FAM241A: variants seen among roughly 807,000 people sequenced by gnomAD.
FAM241A encodes the protein family with sequence similarity 241 member A, also known as uncharacterized protein FAM241A.
In FAM241A, 7 loss-of-function variants were observed where a neutral mutation model predicts 12.2. The ratio of observed to expected loss-of-function variants is 0.58; its 90% CI spans 0.33 to 1.08. The LOEUF is 1.08. FAM241A is among the 50% of genes least tolerant of loss of function. The pLI is 0.04. For missense variants in FAM241A, 161 were observed against 169.7 expected (o/e 0.95, Z 0.29); for synonymous variants, 74 against 68.2 (o/e 1.08, Z -0.42).
At chr4:112,170,914 A>C (rs1723705841) in intron 1 of FAM241A, among the ~76,000 whole-genome samples, 1 of 150,376 alleles carries the variant, frequency 6.6e-6, no homozygotes, top group African/African-American at 2.4e-5. Flanking sequence ...CCACTTTTGA[A>C]GTGCTCAATG....
At chr4:112,159,726 C>A (rs1195160814) in intron 1 of FAM241A, among the ~76,000 whole-genome samples, 1 of 152,106 alleles carries the variant, frequency 6.6e-6, no homozygotes, top group East Asian at 1.9e-4. Context: ...AATTCAACAT[C>A]CCTTCATGAT....
chr4:112,185,934 G>A (rs1364817918), intron 1 of FAM241A, among the ~76,000 whole-genome samples: 2 of 152,136 alleles, frequency 1.3e-5, no homozygotes, highest in Admixed American at 6.6e-5. Flanking sequence ...GAAGTGTCAC[G>A]CTGGTCCCTC....
chr4:112,147,467 C>A (rs1723163165), intron 1 of FAM241A, among the ~76,000 whole-genome samples: 1 of 152,094 alleles, frequency 6.6e-6, no homozygotes, highest in Non-Finnish European at 1.5e-5. Context: ...TGCAACCCAA[C>A]CCATTGTTGT....
At chr4:112,165,133 C>A (rs754350463) in intron 1 of FAM241A, among the ~76,000 whole-genome samples, 19 of 152,098 alleles carry the variant, frequency 1.2e-4, no homozygotes, top group Non-Finnish European at 2.8e-4. Flanking sequence ...ATACAAATGG[C>A]AAACAGGCAT....
At chr4:112,148,078 T>A (rs1195625256) in intron 1 of FAM241A, among the ~76,000 whole-genome samples, 1 of 152,130 alleles carries the variant, frequency 6.6e-6, no homozygotes, top group Admixed American at 6.5e-5. Context: ...TTCAATGATT[T>A]TGTCAACACC....
At chr4:112,185,406 C>T (rs1409096202) in intron 1 of FAM241A, among the ~76,000 whole-genome samples, 1 of 152,130 alleles carries the variant, frequency 6.6e-6, no homozygotes, top group Non-Finnish European at 1.5e-5. Context: ...CCAACTTCAC[C>T]CCTGACTTAC....
chr4:112,162,648 C>T (rs934099644), intron 1 of FAM241A, among the ~76,000 whole-genome samples: 10 of 152,000 alleles, frequency 6.6e-5, no homozygotes, highest in Admixed American at 2.0e-4. Flanking sequence ...CACTGCTCAA[C>T]GAAATAAAAG....
intron 1 of FAM241A, among the ~76,000 whole-genome samples, chr4:112,147,604 CATGT>C (rs1285347616): frequency 6.6e-6 from 1 of 152,092 alleles, no homozygotes; most frequent in Non-Finnish European, 1.5e-5. Context: ...AATAGTATTA[CATGT>C]GTAAAGATAT....
At chr4:112,185,143 A>G (rs1724013517) in intron 1 of FAM241A, among the ~76,000 whole-genome samples, 1 of 152,104 alleles carries the variant, frequency 6.6e-6, no homozygotes, top group African/African-American at 2.4e-5. Context: ...ATAATTCAAT[A>G]ATTATTTGAA....
chr4:112,191,865 T>C lies in FAM241A; in HGVS notation c.*4927T>C, dbSNP rs926571982. On this transcript the variant is annotated 3_prime_UTR_variant, in exon 2 of 2. Coordinates refer to ENST00000309733, the MANE Select transcript of FAM241A (RefSeq NM_152400.3). ...TAATTATTAAATTAATCAATAGGCT[T>C]CACAAGGGAAGAGAACATGTCTGTC... 1 of 152,176 alleles carries C rather than the reference T, an allele frequency of 6.6e-6. No individual in the cohort carries two copies. Among genetic ancestry groups the C allele is most frequent in the Admixed American group, 6.5e-5 (1 of 15,280 alleles). The allele number at this position is 152,176 out of a possible 1,614,324, so 9.4% of individuals were successfully genotyped here.
chr4:112,185,931 C>CA (rs1212649545), intron 1 of FAM241A, among the ~76,000 whole-genome samples: 2 of 152,142 alleles, frequency 1.3e-5, no homozygotes, highest in African/African-American at 4.8e-5. Context: ...TGTGAAGTGT[C>CA]ACGCTGGTCC....
At chr4:112,179,288 G>A (rs1163664400) in intron 1 of FAM241A, among the ~76,000 whole-genome samples, 1 of 152,076 alleles carries the variant, frequency 6.6e-6, no homozygotes, top group Non-Finnish European at 1.5e-5. Flanking sequence ...ACTCACAATA[G>A]CAAAGACTTG....
chr4:112,170,472 CTCTT>C (rs1723695235), intron 1 of FAM241A, among the ~76,000 whole-genome samples: 1 of 152,170 alleles, frequency 6.6e-6, no homozygotes, highest in Non-Finnish European at 1.5e-5. Context: ...AATGTGGTCT[CTCTT>C]TCTCTCAAAA....
intron 1 of FAM241A, among the ~76,000 whole-genome samples, chr4:112,149,497 A>G (rs1723205117): frequency 6.6e-6 from 1 of 152,188 alleles, no homozygotes; most frequent in African/African-American, 2.4e-5. Context: ...CTGTCTGAAA[A>G]TATTTGCTTG....
At chr4:112,178,215 AG>A (rs1243759801) in intron 1 of FAM241A, among the ~76,000 whole-genome samples, 2 of 152,202 alleles carry the variant, frequency 1.3e-5, no homozygotes, top group African/African-American at 2.4e-5. Context: ...TCAGAACCAG[AG>A]AATATGATAT....
chr4:112,158,882 A>G (rs1723406286), intron 1 of FAM241A, among the ~76,000 whole-genome samples: 1 of 152,110 alleles, frequency 6.6e-6, no homozygotes, highest in Non-Finnish European at 1.5e-5. Context: ...AATATACAAT[A>G]TATTGCTGTT....
In FAM241A at chr4:112,145,530, C is replaced by T. The variant is rs559134124; in HGVS notation, c.-51C>T. 3.3e-6 allele frequency: 4 copies of T among 1,217,770 alleles called. No homozygotes were observed. Among genetic ancestry groups the T allele is most frequent in the Admixed American group, 8.2e-5 (2 of 24,386 alleles). The allele number at this position is 1,217,770 out of a possible 1,614,324, so 75.4% of individuals were successfully genotyped here. On this transcript the variant is annotated 5_prime_UTR_variant, in exon 1 of 2. Coordinates refer to ENST00000309733, the MANE Select transcript of FAM241A (RefSeq NM_152400.3). ...CGGGCGGCGGCGCTGCCTGGTGCGT[C>T]GCGGCGTGGTCCTCCGGCGGCTGTC... is the stretch of plus-strand genomic sequence containing the variant.
Position 112,191,022 on chromosome 4 carries a change from A to G in FAM241A, c.*4084A>G, listed in dbSNP as rs1253130778. ...GACTCCTACATTCAATTGCTTGCCC[A>G]ATATTTATTTGCATTTGGTTATCCC... On this transcript the variant is annotated 3_prime_UTR_variant, in exon 2 of 2. Transcript: ENST00000309733. The G allele has an allele frequency of 6.6e-6, 1 of 152,180 alleles. No individual in the cohort carries two copies. Among genetic ancestry groups the G allele is most frequent in the Admixed American group, 6.5e-5 (1 of 15,280 alleles). 9.4% of individuals were successfully genotyped at this position (152,180 alleles called of 1,614,324 possible).
intron 1 of FAM241A, among the ~76,000 whole-genome samples, chr4:112,160,347 G>T (rs1723437513): frequency 6.6e-6 from 1 of 150,544 alleles, no homozygotes; most frequent in African/African-American, 2.5e-5. Context: ...AGAGGTTGCA[G>T]TGAGCCAAGA....
Sources: allele counts gnomAD v4.1 joint callset (sites outside exome capture counted in the v4.1 genomes callset), GRCh38; gene constraint gnomAD v4.1.1; transcripts MANE v1.5; gene names NCBI Gene and HGNC (gene_info 2026-07-23, HGNC 2026-07-21).